VPS13C: variants seen among roughly 807,000 people sequenced by gnomAD.
The protein encoded by VPS13C is vacuolar protein sorting 13 homolog C, also known as intermembrane lipid transfer protein VPS13C.
A neutral mutation model predicts 456.8 loss-of-function variants in VPS13C; 358 were observed. The observed-to-expected ratio is 0.78, with a 90% CI of 0.72 to 0.86. The LOEUF is 0.86. Among genes scored for constraint, VPS13C ranks in the 40% least tolerant of loss-of-function variants. The pLI is 0.00. For synonymous variants in VPS13C, 1,578 were observed against 1,486.7 expected (o/e 1.06, Z -1.41); for missense variants, 4,818 against 4,385.4 (o/e 1.10, Z -2.79).
At chr15:61,885,893 G>A (rs1364478405) in intron 67 of VPS13C, among the ~76,000 whole-genome samples, 5 of 152,092 alleles carry the variant, frequency 3.3e-5, no homozygotes, top group African/African-American at 1.2e-4. Context: ...ACTCCGTGCT[G>A]ACTTCTCAAA....
chr15:61,907,048 T>TG (rs2043171498), intron 66 of VPS13C: 1 of 512,730 alleles, frequency 2.0e-6, no homozygotes. Flanking sequence ...AAAGCAGGTC[T>TG]ATTTTTTAAA....
intron 13 of VPS13C, among the ~76,000 whole-genome samples, chr15:62,009,322 G>C (rs1454292568): frequency 4.0e-5 from 3 of 74,884 alleles, no homozygotes; most frequent in East Asian, 3.6e-4. Flanking sequence ...TCAAATGGAG[G>C]GAAACATAAA....
At chr15:61,912,082 A>G in intron 62 of VPS13C, 78 bp from the exon 63 acceptor site, 3 of 1,198,608 alleles carry the variant, frequency 2.5e-6, no homozygotes, top group Non-Finnish European at 3.3e-6. Context: ...ATTCACACAC[A>G]AACTTCTTAC....
At chr15:61,884,313 A>G in intron 67 of VPS13C, 44 bp from the exon 68 acceptor site, 1 of 1,579,248 alleles carries the variant, frequency 6.3e-7, no homozygotes. Context: ...ATATGTATTT[A>G]GGTCTGTGGA....
intron 45 of VPS13C, among the ~76,000 whole-genome samples, chr15:61,944,889 G>T (rs2044552454): frequency 1.3e-5 from 2 of 152,094 alleles, no homozygotes; most frequent in African/African-American, 4.8e-5. Flanking sequence ...AAGAAGAATA[G>T]GCAGATTTAA....
At position 62,007,290 on chromosome 15, in the gene VPS13C, A is replaced by T. The variant is rs1446668713; in HGVS notation, c.1290+18T>A. On this transcript the variant is annotated intron_variant, in intron 15 of 84. Coordinates refer to ENST00000644861, the MANE Select transcript of VPS13C (RefSeq NM_020821.3). The stretch of plus-strand genomic sequence containing the variant: ...GATTAGACAAATAATAGCTCTCACT[A>T]ATATATGCAAGATATACCTGAATTT... The T allele has an allele frequency of 6.4e-7, 1 of 1,555,458 alleles. No homozygotes were observed. The highest frequency in any genetic ancestry group is 8.7e-7 in the Non-Finnish European group (1 of 1,148,594).
chr15:62,039,727 G>A (rs2048180041), intron 3 of VPS13C, among the ~76,000 whole-genome samples: 1 of 152,090 alleles, frequency 6.6e-6, no homozygotes, highest in African/African-American at 2.4e-5. Context: ...GCAAGAATGT[G>A]GAGAAAAGGA....
Position 61,860,954 on chromosome 15 carries a change from T to TTTC in VPS13C, c.10952+2485_10952+2486insGAA, listed in dbSNP as rs1491508585. 1.0e-4 allele frequency among the ~76,000 whole-genome samples: 10 copies of TTTC among 97,068 alleles called. 1 individual carries two copies. Among genetic ancestry groups the TTTC allele is most frequent in the Admixed American group, 3.4e-4 (3 of 8,862 alleles). The allele number at this position is 97,068 out of a possible 152,430, so 63.7% of individuals were successfully genotyped here. A position where few individuals can be genotyped will look rare whatever the true frequency, so the allele number is the denominator to read the frequency against. ...CATGTATGGTTAGTTATTTTCTTTCTTTTTTTTTTTTTTTTTTTTTTTTTT... is the reference window on the plus strand; with the variant it reads ...CATGTATGGTTAGTTATTTTCTTTCTTTCTTTTTTTTTTTTTTTTTTTTTTTTT... On this transcript the variant is annotated intron_variant, in intron 82 of 84. Coordinates refer to ENST00000644861, the MANE Select transcript of VPS13C (RefSeq NM_020821.3).
chr15:61,911,210 C>A (rs1448365039), intron 63 of VPS13C, among the ~76,000 whole-genome samples: 1 of 152,316 alleles, frequency 6.6e-6, no homozygotes, highest in African/African-American at 2.4e-5. Flanking sequence ...TTCTGGCACA[C>A]ATTCCCCCAT....
chr15:61,881,676 C>G (rs751663236), intron 70 of VPS13C, 44 bp from the exon 71 acceptor site: 3 of 1,599,998 alleles, frequency 1.9e-6, no homozygotes, highest in Non-Finnish European at 2.6e-6. Context: ...ATGCTTTATA[C>G]TAGGTTAAAC....
At chr15:61,889,038 T>C (rs1263407325) in intron 67 of VPS13C, among the ~76,000 whole-genome samples, 1 of 152,130 alleles carries the variant, frequency 6.6e-6, no homozygotes, top group Non-Finnish European at 1.5e-5. Flanking sequence ...ATTTTTAAAA[T>C]TATGTAACTG....
chr15:61,878,631 G>A lies in VPS13C; in HGVS notation c.10118C>T (p.Thr3373Ile), dbSNP rs1895631600. 1.2e-6 allele frequency: 2 copies of A among 1,609,898 alleles called. No homozygotes were observed. Among genetic ancestry groups the A allele is most frequent in the Non-Finnish European group, 1.7e-6 (2 of 1,178,286 alleles). The change falls in exon 74 of 85, where the codon ACT (threonine) becomes ATT (isoleucine). Residue 3373 changes from threonine (T) to isoleucine (I), a missense_variant. By Grantham distance (89) the Thr-to-Ile change is moderately conservative. Transcript: ENST00000644861. ...LLLKSIGATL[T>I]DVDDLIFKLA... ...CTTGAATATAAGGTCATCCACATCA[G>A]TCAGAGTAGCACCTATGCTTTTCAA...
At position 61,913,392 on chromosome 15, in the gene VPS13C, A is replaced by G. The variant is rs1167214126; in HGVS notation, c.8469T>C (p.Ser2823=). The change falls in exon 62 of 85, where the codon AGT becomes AGC. Residue 2823 remains serine, a synonymous_variant. Coordinates refer to ENST00000644861, the MANE Select transcript of VPS13C (RefSeq NM_020821.3). ...CCAATGAGAAACTACTGGACCAGGC[A>G]CTGGTTGAAATTTTTAATTGTACCT... ...KNKVQLKIST[S]AWSSSFSLDT... is the part of the protein sequence containing the mutation. The G allele has an allele frequency of 3.1e-6, 5 of 1,613,940 alleles. No individual in the cohort carries two copies. In the East Asian group the frequency reaches 1.1e-4, roughly 36 times the overall value.
intron 10 of VPS13C, 86 bp from the exon 11 acceptor site, chr15:62,013,205 T>A: frequency 1.1e-6 from 1 of 926,352 alleles, no homozygotes; most frequent in Non-Finnish European, 1.5e-6. Flanking sequence ...TGTTCACCAC[T>A]CCAAAATTAC....
intron 78 of VPS13C, among the ~76,000 whole-genome samples, chr15:61,872,728 C>A (rs1445107260): frequency 6.6e-6 from 1 of 151,882 alleles, no homozygotes; most frequent in Non-Finnish European, 1.5e-5. Context: ...GGTATTCTAG[C>A]CTTACTTATA....
chr15:61,856,196 A>G (rs1709796371), intron 83 of VPS13C, 90 bp downstream of exon 83: 1 of 1,483,990 alleles, frequency 6.7e-7, no homozygotes, highest in African/African-American at 1.4e-5. Flanking sequence ...TAATAACGAC[A>G]CTAATCCTTC....
At chr15:62,010,829 C>G (rs1303663164) in intron 12 of VPS13C, among the ~76,000 whole-genome samples, 1 of 152,140 alleles carries the variant, frequency 6.6e-6, no homozygotes, top group African/African-American at 2.4e-5. Flanking sequence ...GAATCCCATG[C>G]TTCTAGGTAA....
At chr15:62,055,189 T>C (rs770822872) in intron 1 of VPS13C, among the ~76,000 whole-genome samples, 2 of 152,122 alleles carry the variant, frequency 1.3e-5, no homozygotes, top group Admixed American at 6.5e-5. Context: ...TAAAGTATAC[T>C]TCCTGATTCT....
At chr15:61,972,518 C>CAA (rs1357724956) in intron 27 of VPS13C, 107 bp downstream of exon 27, 1 of 1,229,892 alleles carries the variant, frequency 8.1e-7, no homozygotes, top group African/African-American at 1.5e-5. Context: ...GCAGGAAAGA[C>CAA]AGAGTACCAC....
Sources: allele counts gnomAD v4.1 joint callset (sites outside exome capture counted in the v4.1 genomes callset), GRCh38; gene constraint gnomAD v4.1.1; transcripts MANE v1.5; gene names NCBI Gene and HGNC (gene_info 2026-07-23, HGNC 2026-07-21).